Variants in ARMCX4 observed in about 807,000 individuals in gnomAD.
ARMCX4 encodes armadillo repeat-containing X-linked protein 4.
ARMCX4 carries 3 observed loss-of-function variants against 34.7 expected under a neutral mutation model. The observed-to-expected ratio is 0.09, with a 90% confidence interval of 0.04 to 0.22. The LOEUF (loss-of-function observed/expected upper bound fraction) is 0.22. Among genes scored for constraint, ARMCX4 ranks in the 10% least tolerant of loss-of-function variants. The probability of loss-of-function intolerance (pLI) is 1.00; values close to 1 mark genes in which losing one functional copy is unlikely to be tolerated. For missense variants in ARMCX4, 1,448 were observed against 1,720.8 expected (o/e 0.84, Z 2.81); for synonymous variants, 513 against 632.8 (o/e 0.81, Z 2.84).
At chrX:101,512,844 A>G (rs1556016741) in intron 11 of ARMCX4, among the ~76,000 whole-genome samples, 2 of 68,999 alleles carry the variant, frequency 2.9e-5, no homozygotes, top group African/African-American at 6.0e-5. Flanking sequence ...ATATATGTGT[A>G]TATATGTGTA....
chrX:101,447,364 T>G (rs1457290861), downstream of ARMCX4: 3 of 112,472 alleles, frequency 2.7e-5, no homozygotes, highest in Non-Finnish European at 5.6e-5. Context: ...TACCTATTCA[T>G]TCAACAAATA....
At position 101,488,774 on chromosome X, in the gene ARMCX4, A is replaced by T. The variant is rs189267413; in HGVS notation, c.185A>T (p.Glu62Val). 130 of 1,154,609 alleles carry T rather than the reference A, an allele frequency of 1.1e-4. No individual in the cohort carries two copies. In the African/African-American group the frequency reaches 2.2e-3, roughly 19 times the overall value. The change falls in exon 6 of 6, where the codon GAA becomes GTA. Residue 62 changes from glutamate to valine, a missense_variant. Physicochemically the swap from Glu to Val is moderately radical, Grantham distance 121. Around this residue, in one of 2 missense-constraint regions of ARMCX4, gnomAD observed 1,343 missense variants for 1,540.7 expected, o/e 0.87. Transcript: ENST00000423738. ...CAGAGCCAGACCTTGGCCATAAATG[A>T]AGCAGAGATTAAGACTAAACCCCAA... ...GVQSQTLAIN[E>V]AEIKTKPQVE...
At chrX:101,523,675 G>GT (rs1934902216) in intron 11 of ARMCX4, among the ~76,000 whole-genome samples, 3 of 111,629 alleles carry the variant, frequency 2.7e-5, no homozygotes, top group Admixed American at 1.9e-4. Flanking sequence ...CAGGGTGTGG[G>GT]CAGGTGGTTC....
chrX:101,520,309 G>A (rs1306489998), intron 11 of ARMCX4, among the ~76,000 whole-genome samples: 2 of 111,902 alleles, frequency 1.8e-5, no homozygotes, highest in African/African-American at 6.5e-5. Flanking sequence ...ACCCTGGCTA[G>A]GACCTCCACT....
At chrX:101,500,211 G>T (rs1358376033), downstream of ARMCX4, among the ~76,000 whole-genome samples, 8 of 111,209 alleles carry the variant, frequency 7.2e-5, no homozygotes, top group Non-Finnish European at 3.8e-5. Flanking sequence ...CCTAGGTAGG[G>T]TTCACAGTGG....
At chrX:101,502,202 G>A (rs1437810933) in intron 7 of ARMCX4, among the ~76,000 whole-genome samples, 1 of 111,935 alleles carries the variant, frequency 8.9e-6, no homozygotes, top group African/African-American at 3.2e-5. Context: ...ATCCACCAAG[G>A]TATAAGGTTG....
At chrX:101,427,002 C>T (rs781857035) in intron 2 of ARMCX4, among the ~76,000 whole-genome samples, 1 of 112,155 alleles carries the variant, frequency 8.9e-6, no homozygotes, top group South Asian at 3.7e-4. Context: ...GAGTCAATGC[C>T]AAATCTCAGA....
intron 4 of ARMCX4, among the ~76,000 whole-genome samples, chrX:101,476,131 A>G (rs1181991603): frequency 9.0e-6 from 1 of 110,528 alleles, no homozygotes; most frequent in African/African-American, 3.3e-5. Flanking sequence ...AAAAGTGGAA[A>G]GAGTACTCAT....
rs1406970082 is a variant in ARMCX4, at chrX:101,493,512, G to A, written c.4923G>A (p.Gln1641=). The A allele has an allele frequency of 8.7e-7, 1 of 1,153,145 alleles. No homozygotes were observed. The highest frequency in any genetic ancestry group is 1.1e-6 in the Non-Finnish European group (1 of 872,125). Residue 1641 remains glutamine (Q), a synonymous_variant, in exon 6 of 6, where the codon CAG becomes CAA. Transcript: ENST00000423738. ...SGGSWAGTGN[Q]SSGRSWIGPG... ...GGTCCTGGGCTGGCACTGGGAATCA[G>A]TCCAGTGGAAGGTCCTGGATTGGGC...
At chrX:101,429,332 C>CTTTTTT (rs151320609) in intron 2 of ARMCX4, among the ~76,000 whole-genome samples, 1 of 64,149 alleles carries the variant, frequency 1.6e-5, no homozygotes, top group African/African-American at 5.5e-5. Flanking sequence ...CCTAGATTGT[C>CTTTTTT]TTTTTTTTTT....
chrX:101,424,007 G>T (rs1323294706), intron 2 of ARMCX4, among the ~76,000 whole-genome samples: 1 of 111,134 alleles, frequency 9.0e-6, no homozygotes, highest in Non-Finnish European at 1.9e-5. Context: ...GGGATTACAG[G>T]CATGCACCAC....
In ARMCX4 at chrX:101,490,230, T is replaced by C; in HGVS notation, c.1641T>C (p.Cys547=). The C allele has an allele frequency of 2.6e-6, 3 of 1,154,880 alleles. No homozygotes were observed. The highest frequency in any genetic ancestry group is 3.4e-6 in the Non-Finnish European group (3 of 872,662). Residue 547 remains cysteine (C), a synonymous_variant, in exon 6 of 6, where the codon TGT becomes TGC. Transcript: ENST00000423738. ...KTGPGMDMKT[C]TQPQAGVKTP... ...GGCCTGGGATGGACATGAAAACCTG[T>C]ACACAACCTCAGGCTGGGGTCAAGA...
Position 101,475,983 on chromosome X carries a change from TTAAC to T in ARMCX4, c.-472-10036_-472-10033del, listed in dbSNP as rs1223657848. On this transcript the variant is annotated intron_variant and NMD_transcript_variant, in intron 4 of 15. Coordinates refer to the ARMCX4 transcript ENST00000433011. ...ATTTAAATTTCACAATTGATGTGCT[TTAAC>T]TAATCTCTCTAATATAAACAACTTT... is the stretch of plus-strand genomic sequence containing the variant. Among the ~76,000 whole-genome samples the T allele has an allele frequency of 2.7e-5, 3 of 111,158 alleles. No individual in the cohort carries two copies. In the East Asian group the frequency reaches 8.4e-4, roughly 31 times the overall value.
At chrX:101,478,803 T>A (rs1198034926) in intron 4 of ARMCX4, among the ~76,000 whole-genome samples, 4 of 111,090 alleles carry the variant, frequency 3.6e-5, no homozygotes, top group Non-Finnish European at 7.6e-5. Context: ...AAAGAACCCA[T>A]TAGGACAAAA....
intron 11 of ARMCX4, among the ~76,000 whole-genome samples, chrX:101,512,395 C>G (rs1333996676): frequency 5.4e-5 from 6 of 111,167 alleles, no homozygotes; most frequent in African/African-American, 2.0e-4. Flanking sequence ...ACAAAAATTT[C>G]AACTAATCCT....
chrX:101,492,451 A>C lies in ARMCX4; in HGVS notation c.3862A>C (p.Ser1288Arg), dbSNP rs1380300625. The change falls in exon 6 of 6, where the codon AGT becomes CGT. Residue 1288 changes from serine to arginine, a missense_variant. Physicochemically the swap from Ser to Arg is moderately radical, Grantham distance 110 (BLOSUM62 -1). This residue lies in a region of ARMCX4 where 1,343 missense variants were observed against 1,540.7 expected (regional missense o/e 0.87). Transcript: ENST00000423738. ...TGGAGCTGGGGCTGGGAATATGAGT[A>C]GTGTTTCATACTGGGCTGGGGTTGT... Reference protein sequence around the residue: ...WAGAGAGNMSSVSYWAGVVDQ... With the variant: ...WAGAGAGNMSRVSYWAGVVDQ... 17 of 1,148,719 alleles carry C rather than the reference A, an allele frequency of 1.5e-5. No homozygotes were observed. The highest frequency in any genetic ancestry group is 1.8e-5 in the African/African-American group (1 of 54,122). The allele number at this position is 1,148,719 out of a possible 1,213,427, so 94.7% of individuals were successfully genotyped here. A position where few individuals can be genotyped will look rare whatever the true frequency, so the allele number is the denominator to read the frequency against.
At chrX:101,453,011 A>G (rs1363203151) in intron 4 of ARMCX4, among the ~76,000 whole-genome samples, 3 of 110,574 alleles carry the variant, frequency 2.7e-5, no homozygotes, top group Non-Finnish European at 3.8e-5. Flanking sequence ...ATAAAGTACT[A>G]TTATCACCAT....
rs1556010099 is a variant in ARMCX4, at chrX:101,492,899, T to C, written c.4310T>C (p.Phe1437Ser). 3 of 1,151,535 alleles carry C rather than the reference T, an allele frequency of 2.6e-6. No homozygotes were observed. The highest frequency in any genetic ancestry group is 2.3e-6 in the Non-Finnish European group (2 of 871,464). The allele number at this position is 1,151,535 out of a possible 1,213,427, so 94.9% of individuals were successfully genotyped here. Residue 1437 changes from phenylalanine to serine, a missense_variant, in exon 6 of 6, where the codon TTC (phenylalanine) becomes TCC (serine). Phe to Ser is a radical substitution (Grantham distance 155). Transcript: ENST00000423738. ...ANSGDQISGG[F>S]LVGIVDQANG... is the part of the protein sequence containing the mutation. ...TCTGGGGACCAAATCAGTGGAGGAT[T>C]CTTAGTTGGGATTGTGGACCAGGCC...
At chrX:101,432,883 C>CAT (rs1273604737) in intron 2 of ARMCX4, among the ~76,000 whole-genome samples, 25 of 63,626 alleles carry the variant, frequency 3.9e-4, no homozygotes, top group East Asian at 1.5e-3. Context: ...CATATGTATA[C>CAT]GTGTGTATAT....
Sources: gnomAD v4.1 joint callset for allele counts (sites outside exome capture counted in the v4.1 genomes callset) on GRCh38, gnomAD v4.1.1 for gene constraint, gnomAD v4.1.1 regional missense constraint, MANE v1.5 for transcripts, NCBI Gene and HGNC (gene_info 2026-07-23, HGNC 2026-07-21) for gene names.